The following CNOT4 variants were observed in gnomAD, a reference collection of about 807,000 sequenced individuals.
The protein encoded by CNOT4 is CCR4-NOT transcription complex subunit 4, also known as CCR4-associated factor 4.
Under a neutral mutation model 73.8 loss-of-function variants are expected in CNOT4, and 8 were observed. The ratio of observed to expected loss-of-function variants is 0.11; its 90% CI spans 0.06 to 0.20. The LOEUF is 0.20. Among genes scored for constraint, CNOT4 ranks in the 10% least tolerant of loss-of-function variants. The pLI is 1.00. For missense variants in CNOT4, 564 were observed against 883.4 expected (o/e 0.64, Z 4.58); for synonymous variants, 293 against 321.1 (o/e 0.91, Z 0.94).
chr7:135,413,396 C>G, intron 6 of CNOT4, 92 bp downstream of exon 6: 1 of 1,449,116 alleles, frequency 6.9e-7, no homozygotes, highest in Non-Finnish European at 9.5e-7. Flanking sequence ...TTTACAAAAT[C>G]AAATCCTTAG....
In CNOT4 at chr7:135,362,665, T is replaced by C; in HGVS notation, c.*220A>G. 1 of 676,952 alleles carries C rather than the reference T, an allele frequency of 1.5e-6. No homozygotes were observed. The highest frequency in any genetic ancestry group is 2.7e-6 in the Non-Finnish European group (1 of 372,712). The allele number at this position is 676,952 out of a possible 1,614,324, so 41.9% of individuals were successfully genotyped here. A position where few individuals can be genotyped will look rare whatever the true frequency, so the allele number is the denominator to read the frequency against. ...AGGCATTTTTAGAAACATTCAACAG[T>C]GTCACTCAAATGCTGGATCAACAAA... On this transcript the variant is annotated 3_prime_UTR_variant, in exon 12 of 12. Transcript: ENST00000541284.
intron 1 of CNOT4, among the ~76,000 whole-genome samples, chr7:135,457,117 A>C (rs570780130): frequency 6.6e-6 from 1 of 152,230 alleles, no homozygotes; most frequent in South Asian, 2.1e-4. Context: ...AGCATCAAAT[A>C]AAACATCAAA....
At chr7:135,366,111 A>G (rs1052873605) in intron 10 of CNOT4, among the ~76,000 whole-genome samples, 1 of 152,220 alleles carries the variant, frequency 6.6e-6, no homozygotes, top group Admixed American at 6.5e-5. Context: ...AAATGATCTT[A>G]CACCGAGTGG....
intron 10 of CNOT4, among the ~76,000 whole-genome samples, chr7:135,390,071 A>T (rs1563019984): frequency 2.0e-5 from 3 of 152,168 alleles, no homozygotes; most frequent in Middle Eastern, 3.2e-3. Flanking sequence ...TCTATTTTGT[A>T]ACAATAGGCC....
chr7:135,473,821 T>C (rs1023276297), intron 1 of CNOT4, among the ~76,000 whole-genome samples: 4 of 152,240 alleles, frequency 2.6e-5, no homozygotes, highest in Non-Finnish European at 4.4e-5. Context: ...GACTGTCAAA[T>C]TGCAGGATAA....
intron 1 of CNOT4, among the ~76,000 whole-genome samples, chr7:135,475,050 A>C (rs1801904955): frequency 1.3e-5 from 2 of 152,238 alleles, no homozygotes; most frequent in Non-Finnish European, 2.9e-5. Flanking sequence ...AAGGCAGTGT[A>C]AAGATCTATA....
At chr7:135,379,005 A>G (rs1487583172) in intron 10 of CNOT4, among the ~76,000 whole-genome samples, 2 of 151,078 alleles carry the variant, frequency 1.3e-5, no homozygotes, top group Non-Finnish European at 3.0e-5. Flanking sequence ...AAAAAAAGGA[A>G]GAAGAAGAAG....
At chr7:135,370,843 C>T (rs1563009674) in intron 10 of CNOT4, among the ~76,000 whole-genome samples, 1 of 152,136 alleles carries the variant, frequency 6.6e-6, no homozygotes, top group Non-Finnish European at 1.5e-5. Context: ...GGCTTCTCTG[C>T]ATGTAAACTG....
chr7:135,489,057 G>A (rs999745481), intron 1 of CNOT4, among the ~76,000 whole-genome samples: 2 of 152,048 alleles, frequency 1.3e-5, no homozygotes, highest in African/African-American at 4.8e-5. Flanking sequence ...TCATATTTTA[G>A]TGAATATATA....
At chr7:135,505,524 C>T (rs1804311947) in intron 1 of CNOT4, among the ~76,000 whole-genome samples, 1 of 152,072 alleles carries the variant, frequency 6.6e-6, no homozygotes, top group Non-Finnish European at 1.5e-5. Context: ...TACACTCCAG[C>T]CTGGGTGACA....
intron 1 of CNOT4, among the ~76,000 whole-genome samples, chr7:135,473,085 G>T (rs1441063588): frequency 6.6e-6 from 1 of 151,974 alleles, no homozygotes; most frequent in African/African-American, 2.4e-5. Context: ...ATTAAGAAAA[G>T]ATTGATTCAC....
At chr7:135,399,683 C>T (rs1399037428) in intron 7 of CNOT4, among the ~76,000 whole-genome samples, 1 of 152,004 alleles carries the variant, frequency 6.6e-6, no homozygotes, top group African/African-American at 2.4e-5. Context: ...AAAAAAATAT[C>T]TAACAAGGGT....
At chr7:135,479,030 A>G (rs1463414010) in intron 1 of CNOT4, among the ~76,000 whole-genome samples, 1 of 152,110 alleles carries the variant, frequency 6.6e-6, no homozygotes, top group Non-Finnish European at 1.5e-5. Context: ...GAGTCAGTCT[A>G]CAGATTAATT....
rs918767575 is a variant in CNOT4 at position 135,424,060 on chromosome 7, C to G, written c.175-1707G>C. Among the ~76,000 whole-genome samples, 210 of 147,418 alleles carry G rather than the reference C, an allele frequency of 1.4e-3. 2 individuals are homozygous for G. Among genetic ancestry groups the G allele is most frequent in the African/African-American group, 5.1e-3 (201 of 39,508 alleles). On this transcript the variant is annotated intron_variant, in intron 2 of 11. Transcript: ENST00000541284. ...AACAAAACACACACACACACACACA[C>G]ACACACACACACACACACACACACA...
Position 135,395,731 on chromosome 7 carries a change from G to C in CNOT4, c.1032C>G (p.Pro344=). 1 of 1,614,046 alleles carries C rather than the reference G, an allele frequency of 6.2e-7. No individual in the cohort carries two copies. The highest frequency in any genetic ancestry group is 8.5e-7 in the Non-Finnish European group (1 of 1,179,948). Residue 344 remains proline, a synonymous_variant, in exon 9 of 12, where the codon CCC becomes CCG. Transcript: ENST00000541284. ...QSLFSDNFRH[P]NPIPSGLPPF... ...GAGGAAGCCCACTTGGGATAGGGTTGGGATGGCGAAAATTGTCTGAGAATA... is the reference window on the plus strand; with the variant it reads ...GAGGAAGCCCACTTGGGATAGGGTTCGGATGGCGAAAATTGTCTGAGAATA...
chr7:135,478,880 G>A (rs1363367118), intron 1 of CNOT4, among the ~76,000 whole-genome samples: 1 of 152,040 alleles, frequency 6.6e-6, no homozygotes, highest in Non-Finnish European at 1.5e-5. Context: ...GATGCTGGGG[G>A]AAATACATAA....
chr7:135,453,825 T>TTTATATATATATATATATA (rs1800335357), intron 1 of CNOT4, among the ~76,000 whole-genome samples: 1 of 77,366 alleles, frequency 1.3e-5, no homozygotes, highest in African/African-American at 4.2e-5. Context: ...ATATATATAT[T>TTTATATATATATATATATA]TTATATATAT....
chr7:135,394,196 C>T lies in CNOT4; in HGVS notation c.1349G>A (p.Gly450Asp), dbSNP rs913822014. The change falls in exon 10 of 12, where the codon GGC becomes GAC. Residue 450 changes from glycine to aspartate, a missense_variant. Around this residue, in one of 10 missense-constraint regions of CNOT4, gnomAD observed 153 missense variants for 158.7 expected, o/e 0.96. Transcript: ENST00000541284. ...SSHTTTAKGP[G>D]SGFLHPAAAT... ...TGCAGCAGGATGCAGGAATCCAGAGCCTGGACCTTTGGCGGTTGTAGTGTG... is the reference window on the plus strand; with the variant it reads ...TGCAGCAGGATGCAGGAATCCAGAGTCTGGACCTTTGGCGGTTGTAGTGTG... 2 of 1,614,158 alleles carry T rather than the reference C, an allele frequency of 1.2e-6. No homozygotes were observed. The highest frequency in any genetic ancestry group is 1.7e-6 in the Non-Finnish European group (2 of 1,180,018).
intron 2 of CNOT4, among the ~76,000 whole-genome samples, chr7:135,424,287 T>TA (rs1798369930): frequency 6.6e-6 from 1 of 152,136 alleles, no homozygotes; most frequent in African/African-American, 2.4e-5. Context: ...CTTCAAATCT[T>TA]AATCTATCTG....
Sources: gnomAD v4.1 joint callset for allele counts (sites outside exome capture counted in the v4.1 genomes callset) on GRCh38, gnomAD v4.1.1 for gene constraint, gnomAD v4.1.1 regional missense constraint, MANE v1.5 for transcripts, NCBI Gene and HGNC (gene_info 2026-07-23, HGNC 2026-07-21) for gene names.